The following SH3RF3 variants were observed in gnomAD, a reference collection of about 807,000 sequenced individuals.
The protein encoded by SH3RF3 is E3 ubiquitin-protein ligase SH3RF3.
SH3RF3 carries 29 observed loss-of-function variants against 66.3 expected under a neutral mutation model. The ratio of observed to expected loss-of-function variants is 0.44; its 90% confidence interval spans 0.33 to 0.60. SH3RF3 has a LOEUF of 0.60. SH3RF3 is among the 20% of genes least tolerant of loss of function. SH3RF3 has a pLI of 0.04. For missense variants in SH3RF3, 1,194 were observed against 1,190.9 expected, an observed-to-expected ratio of 1.00 and a Z score of -0.04; for synonymous variants, 583 against 532.0, an observed-to-expected ratio of 1.10 and a Z score of -1.32.
At chr2:109,492,255 T>G (rs932362032) in intron 9 of SH3RF3, among the ~76,000 whole-genome samples, 1 of 152,184 alleles carries the variant, frequency 6.6e-6, no homozygotes, top group Non-Finnish European at 1.5e-5. Context: ...GTGACAACAT[T>G]CACAGCTCTA....
chr2:109,327,522 G>A (rs998429981), intron 1 of SH3RF3, among the ~76,000 whole-genome samples: 10 of 152,076 alleles, frequency 6.6e-5, no homozygotes, highest in East Asian at 3.8e-4. Context: ...TGAAAATCCC[G>A]TCGAGATTTA....
chr2:109,308,286 T>A (rs1681648142), intron 1 of SH3RF3, among the ~76,000 whole-genome samples: 1 of 124,882 alleles, frequency 8.0e-6, no homozygotes, highest in Non-Finnish European at 1.6e-5. Context: ...TTTTTTCTTG[T>A]AAATTTGTTT....
At chr2:109,436,796 T>C (rs760120460) in intron 6 of SH3RF3, 97 bp from the exon 7 acceptor site, 23 of 1,484,666 alleles carry the variant, frequency 1.5e-5, no homozygotes, top group Non-Finnish European at 2.1e-5. Flanking sequence ...CTTCATCTCT[T>C]AAAGCCAGCA....
rs77578906 is a variant in SH3RF3, at chr2:109,432,431, C to G, written c.1404-70C>G. ...GGTTCCTCCAAAGACAACCTCCCCC[C>G]AGGAATGCCGGCCGGTCCCCTATCC... On this transcript the variant is annotated intron_variant, in intron 5 of 9. Coordinates refer to ENST00000309415, the MANE Select transcript of SH3RF3 (RefSeq NM_001099289.3). 4,717 of 1,575,952 alleles carry G rather than the reference C, an allele frequency of 3.0e-3. 110 individuals carry two copies. In the East Asian group the frequency reaches 0.051, roughly 17 times the overall value.
chr2:109,435,187 G>T (rs897474672), intron 6 of SH3RF3, among the ~76,000 whole-genome samples: 1 of 152,196 alleles, frequency 6.6e-6, no homozygotes, highest in African/African-American at 2.4e-5. Context: ...CGGGTCGGCT[G>T]CCCCCAGGTC....
Position 109,312,968 on chromosome 2 carries a change from A to T in SH3RF3, c.574-34706A>T, listed in dbSNP as rs143985702. On this transcript the variant is annotated intron_variant, in intron 1 of 9. Transcript: ENST00000309415. ...CTATGTTTTCCACAGCAGCCCTTGG[A>T]TTTCACTTTTATCTACAGTAATGCG... Among the ~76,000 whole-genome samples the T allele has an allele frequency of 3.4e-3, 524 of 152,258 alleles. 6 individuals carry two copies. The highest frequency in any genetic ancestry group is 0.012 in the African/African-American group (485 of 41,552).
intron 1 of SH3RF3, among the ~76,000 whole-genome samples, chr2:109,280,765 G>A (rs764532788): frequency 7.9e-5 from 12 of 152,222 alleles, no homozygotes; most frequent in Non-Finnish European, 1.5e-4. Flanking sequence ...CATGAGCCTC[G>A]AGGGCGCTGC....
intron 1 of SH3RF3, among the ~76,000 whole-genome samples, chr2:109,239,138 A>C (rs903254333): frequency 2.0e-5 from 3 of 152,148 alleles, no homozygotes; most frequent in African/African-American, 7.2e-5. Flanking sequence ...AGAGCTCAGA[A>C]CTCTGTGAGC....
At chr2:109,368,765 G>T (rs1283949996) in intron 2 of SH3RF3, among the ~76,000 whole-genome samples, 1 of 150,902 alleles carries the variant, frequency 6.6e-6, no homozygotes. Flanking sequence ...AATTAATCTG[G>T]CATTTTCTTC....
chr2:109,426,458 G>A (rs1256834466), intron 5 of SH3RF3, among the ~76,000 whole-genome samples: 1 of 152,210 alleles, frequency 6.6e-6, no homozygotes, highest in Non-Finnish European at 1.5e-5. Flanking sequence ...AGATGTGGTA[G>A]AAACAGCAAG....
intron 1 of SH3RF3, among the ~76,000 whole-genome samples, chr2:109,285,769 C>A (rs1477285161): frequency 6.6e-6 from 1 of 152,206 alleles, no homozygotes; most frequent in Non-Finnish European, 1.5e-5. Context: ...TGGATCCAGA[C>A]CTGGCAGGGT....
intron 1 of SH3RF3, among the ~76,000 whole-genome samples, chr2:109,282,679 A>G (rs1457367572): frequency 6.6e-6 from 1 of 152,202 alleles, no homozygotes; most frequent in Non-Finnish European, 1.5e-5. Context: ...CTTCACTTAA[A>G]GTGGGTCTGG....
chr2:109,484,064 TTTC>T (rs1216855429), intron 8 of SH3RF3, among the ~76,000 whole-genome samples: 19 of 77,978 alleles, frequency 2.4e-4, no homozygotes, highest in African/African-American at 3.1e-4. Flanking sequence ...TCCTCTGGCC[TTTC>T]TTTTTTTTTT....
At chr2:109,250,865 A>G (rs1680072270) in intron 1 of SH3RF3, among the ~76,000 whole-genome samples, 1 of 152,168 alleles carries the variant, frequency 6.6e-6, no homozygotes, top group African/African-American at 2.4e-5. Context: ...AGAACAAAAA[A>G]TCAAATCACT....
chr2:109,162,531 A>G (rs539337023), intron 1 of SH3RF3, among the ~76,000 whole-genome samples: 32 of 152,206 alleles, frequency 2.1e-4, no homozygotes, highest in Non-Finnish European at 3.7e-4. Flanking sequence ...GTCATTTAAC[A>G]TTAGTCCCTA....
intron 1 of SH3RF3, among the ~76,000 whole-genome samples, chr2:109,228,105 C>G (rs1254891391): frequency 2.0e-5 from 3 of 152,190 alleles, no homozygotes; most frequent in African/African-American, 7.2e-5. Context: ...TTGACACATA[C>G]AGGCAATCTC....
At chr2:109,169,958 T>C (rs974687142) in intron 1 of SH3RF3, among the ~76,000 whole-genome samples, 1 of 152,316 alleles carries the variant, frequency 6.6e-6, no homozygotes, top group South Asian at 2.1e-4. Context: ...TAAGAGACTT[T>C]AATGTTTTAC....
chr2:109,466,334 G>A (rs931674019), intron 8 of SH3RF3, among the ~76,000 whole-genome samples: 4 of 152,104 alleles, frequency 2.6e-5, no homozygotes, highest in Non-Finnish European at 5.9e-5. Flanking sequence ...GCCCGCCTCG[G>A]CCTCCCAAAG....
At chr2:109,417,854 CG>C (rs1284444536) in intron 4 of SH3RF3, among the ~76,000 whole-genome samples, 4 of 152,142 alleles carry the variant, frequency 2.6e-5, no homozygotes, top group African/African-American at 7.2e-5. Context: ...AGGTGGCCGG[CG>C]GCATGCAGAG....
Sources: allele counts gnomAD v4.1 joint callset (sites outside exome capture counted in the v4.1 genomes callset), GRCh38; gene constraint gnomAD v4.1.1; transcripts MANE v1.5; gene names NCBI Gene and HGNC (gene_info 2026-07-23, HGNC 2026-07-21).